The following CNTN1 variants were observed in gnomAD, a reference collection of about 807,000 sequenced individuals.
CNTN1 encodes contactin 1.
In CNTN1, 38 loss-of-function variants were observed where a neutral mutation model predicts 126.4. That is an observed-to-expected ratio of 0.30 (90% CI 0.23 to 0.39). The LOEUF (loss-of-function observed/expected upper bound fraction) is 0.39, where lower values mean the gene tolerates loss of function less well. CNTN1 is among the 10% of genes least tolerant of loss of function. CNTN1 has a pLI of 1.00. For synonymous variants in CNTN1, 413 were observed against 422.6 expected (o/e 0.98, Z 0.28); for missense variants, 1,009 against 1,248.4 (o/e 0.81, Z 2.89).
At chr12:41,003,998 T>C (rs1267181272) in intron 17 of CNTN1, among the ~76,000 whole-genome samples, 1 of 152,162 alleles carries the variant, frequency 6.6e-6, no homozygotes, top group Non-Finnish European at 1.5e-5. Context: ...TAGGATTTGT[T>C]TGCTCTTTGT....
At chr12:41,066,799 C>T (rs746346793) in intron 23 of CNTN1, among the ~76,000 whole-genome samples, 4 of 151,900 alleles carry the variant, frequency 2.6e-5, no homozygotes, top group African/African-American at 9.7e-5. Context: ...CTCCATATAG[C>T]GGGAATTCTC....
intron 23 of CNTN1, among the ~76,000 whole-genome samples, chr12:41,034,554 T>A (rs1949214930): frequency 6.6e-6 from 1 of 152,208 alleles, no homozygotes; most frequent in Non-Finnish European, 1.5e-5. Flanking sequence ...TAAGATACAA[T>A]CAGATATTAT....
At chr12:41,036,997 A>T (rs1949282176) in intron 23 of CNTN1, among the ~76,000 whole-genome samples, 1 of 152,178 alleles carries the variant, frequency 6.6e-6, no homozygotes, top group African/African-American at 2.4e-5. Context: ...TGTATTTGAC[A>T]GCTGTTTATA....
intron 15 of CNTN1, among the ~76,000 whole-genome samples, chr12:40,959,692 G>T (rs1947038647): frequency 6.6e-6 from 1 of 151,760 alleles, no homozygotes. Context: ...ATTTGTTGCT[G>T]GTTTTTTCAA....
intron 1 of CNTN1, among the ~76,000 whole-genome samples, chr12:40,777,141 C>A (rs1939618240): frequency 6.6e-6 from 1 of 151,630 alleles, no homozygotes; most frequent in Middle Eastern, 3.2e-3. Context: ...AAGCGAAAAT[C>A]ATCTGTCTTT....
intron 1 of CNTN1, among the ~76,000 whole-genome samples, chr12:40,740,191 G>A (rs1404255809): frequency 6.6e-6 from 1 of 152,034 alleles, no homozygotes; most frequent in East Asian, 1.9e-4. Flanking sequence ...AAACAGAGGA[G>A]TATGTAAATA....
chr12:40,805,356 C>G (rs575850814), intron 1 of CNTN1, among the ~76,000 whole-genome samples: 1 of 152,126 alleles, frequency 6.6e-6, no homozygotes, highest in African/African-American at 2.4e-5. Context: ...TTCTCCCCAT[C>G]ATTTTTCCTT....
intron 1 of CNTN1, among the ~76,000 whole-genome samples, chr12:40,905,814 A>C (rs1387206529): frequency 6.6e-6 from 1 of 152,232 alleles, no homozygotes; most frequent in Non-Finnish European, 1.5e-5. Flanking sequence ...GGACAAAAAA[A>C]GTGATCAAAT....
intron 1 of CNTN1, among the ~76,000 whole-genome samples, chr12:40,764,672 A>T (rs1404787056): frequency 6.6e-6 from 1 of 152,234 alleles, no homozygotes; most frequent in African/African-American, 2.4e-5. Context: ...TCAGGGGCTT[A>T]TTGTTAGGAA....
chr12:40,994,906 A>G (rs1346381674), intron 17 of CNTN1, among the ~76,000 whole-genome samples: 3 of 152,078 alleles, frequency 2.0e-5, no homozygotes, highest in African/African-American at 7.2e-5. Context: ...AGAAAACTCA[A>G]TGTATGAGAA....
chr12:40,777,783 C>T (rs1939645191), intron 1 of CNTN1, among the ~76,000 whole-genome samples: 1 of 151,758 alleles, frequency 6.6e-6, no homozygotes. Context: ...AGTAGCTTAA[C>T]CTTGGTAATA....
At chr12:41,054,877 C>T (rs993811566) in intron 23 of CNTN1, among the ~76,000 whole-genome samples, 8 of 152,110 alleles carry the variant, frequency 5.3e-5, no homozygotes, top group Non-Finnish European at 1.0e-4. Context: ...CACAGCTCTG[C>T]TGCATGGTCA....
chr12:40,972,461 C>A, intron 15 of CNTN1: 2 of 981,076 alleles, frequency 2.0e-6, no homozygotes, highest in Non-Finnish European at 2.4e-6. Context: ...ATGAGTTTCT[C>A]TTTTACTTCA....
intron 1 of CNTN1, among the ~76,000 whole-genome samples, chr12:40,891,025 A>G (rs1565892645): frequency 6.6e-6 from 1 of 152,114 alleles, no homozygotes; most frequent in Non-Finnish European, 1.5e-5. Flanking sequence ...AACAGCAGGA[A>G]CCAACAACAT....
At position 40,944,131 on chromosome 12, in the gene CNTN1, T is replaced by C. The variant is rs771380661; in HGVS notation, c.1644T>C (p.Asp548=). The change falls in exon 14 of 24, where the codon GAT becomes GAC. Residue 548 remains aspartate (D), a synonymous_variant. Transcript: ENST00000551295. ...FVWSFNGYVI[D]FNKENIHYQR... is the part of the protein sequence containing the mutation. Reference sequence around the variant, plus strand: ...GGTCCTTCAATGGCTATGTGATCGATTTTAACAAAGAGAATATTCACTACC... The same window carrying C: ...GGTCCTTCAATGGCTATGTGATCGACTTTAACAAAGAGAATATTCACTACC... 1 of 1,613,438 alleles carries C rather than the reference T, an allele frequency of 6.2e-7. No individual in the cohort carries two copies. The highest frequency in any genetic ancestry group is 1.1e-5 in the South Asian group (1 of 91,064).
intron 1 of CNTN1, among the ~76,000 whole-genome samples, chr12:40,881,283 G>A (rs1010310009): frequency 3.3e-5 from 5 of 151,950 alleles, no homozygotes; most frequent in Non-Finnish European, 7.4e-5. Flanking sequence ...GAATGAACAC[G>A]TACTATGGCT....
intron 1 of CNTN1, among the ~76,000 whole-genome samples, chr12:40,769,470 G>A (rs1939250867): frequency 6.6e-6 from 1 of 151,890 alleles, no homozygotes; most frequent in African/African-American, 2.4e-5. Context: ...TTATACAGGA[G>A]AAAAAAATAA....
chr12:40,978,242 CT>C (rs1947733198), intron 15 of CNTN1, among the ~76,000 whole-genome samples: 1 of 151,910 alleles, frequency 6.6e-6, no homozygotes, highest in Non-Finnish European at 1.5e-5. Flanking sequence ...TCTAAAATCC[CT>C]GTTTTTTAAT....
intron 7 of CNTN1, among the ~76,000 whole-genome samples, chr12:40,930,881 C>G (rs1945859441): frequency 6.6e-6 from 1 of 151,912 alleles, no homozygotes; most frequent in Admixed American, 6.6e-5. Flanking sequence ...TTTCTTTTCT[C>G]AGTTTTAAGA....
Sources: gnomAD v4.1 joint callset for allele counts (sites outside exome capture counted in the v4.1 genomes callset) on GRCh38, gnomAD v4.1.1 for gene constraint, MANE v1.5 for transcripts, NCBI Gene and HGNC (gene_info 2026-07-23, HGNC 2026-07-21) for gene names.